CDH12: variants seen among roughly 807,000 people sequenced by gnomAD.
CDH12 encodes the protein cadherin-12.
A neutral mutation model predicts 74.1 loss-of-function variants in CDH12; 41 were observed. The ratio of observed to expected loss-of-function variants is 0.55; its 90% CI spans 0.43 to 0.72. The LOEUF is 0.72. Ranked by LOEUF, CDH12 falls within the 30% of genes least tolerant of loss-of-function variation. The pLI, the probability that CDH12 is intolerant of heterozygous loss-of-function variation, is 0.00. For missense variants in CDH12, 945 were observed against 977.2 expected (o/e 0.97, Z 0.44); for synonymous variants, 399 against 355.0 (o/e 1.12, Z -1.39).
chr5:21,963,174 T>C (rs1756440280), intron 6 of CDH12, among the ~76,000 whole-genome samples: 1 of 151,976 alleles, frequency 6.6e-6, no homozygotes, highest in South Asian at 2.1e-4. Context: ...ATTCAGGGGG[T>C]ATATGTGCAG....
At chr5:22,646,332 AT>A (rs1483058631) in intron 1 of CDH12, among the ~76,000 whole-genome samples, 6 of 151,810 alleles carry the variant, frequency 4.0e-5, no homozygotes, top group Admixed American at 2.6e-4. Context: ...TCATGCTGTC[AT>A]TTCTTATAAG....
intron 1 of CDH12, among the ~76,000 whole-genome samples, chr5:22,772,809 T>C (rs544330082): frequency 1.1e-3 from 161 of 152,214 alleles, no homozygotes; most frequent in African/African-American, 3.8e-3. Flanking sequence ...CCTTTGGTAC[T>C]AAGAAGGCTG....
intron 2 of CDH12, among the ~76,000 whole-genome samples, chr5:22,442,269 T>C (rs1425404506): frequency 6.6e-6 from 1 of 152,176 alleles, no homozygotes; most frequent in Non-Finnish European, 1.5e-5. Flanking sequence ...AGAGATCTTT[T>C]CTCCTAAGAA....
chr5:22,471,851 G>C (rs555250108), intron 2 of CDH12, among the ~76,000 whole-genome samples: 1 of 152,194 alleles, frequency 6.6e-6, no homozygotes, highest in South Asian at 2.1e-4. Flanking sequence ...AGATTGTGTT[G>C]CTGGATCTGT....
intron 1 of CDH12, among the ~76,000 whole-genome samples, chr5:22,615,658 A>T (rs1018812990): frequency 6.6e-6 from 1 of 152,164 alleles, no homozygotes. Context: ...CAGAGAGGAA[A>T]CAAAACACAA....
intron 1 of CDH12, among the ~76,000 whole-genome samples, chr5:22,828,879 A>G (rs1736455859): frequency 6.6e-6 from 1 of 152,174 alleles, no homozygotes; most frequent in South Asian, 2.1e-4. Flanking sequence ...ATTTTCATTC[A>G]TATCTCCATT....
chr5:21,947,327 A>G (rs1437188106), intron 6 of CDH12, among the ~76,000 whole-genome samples: 1 of 152,172 alleles, frequency 6.6e-6, no homozygotes, highest in East Asian at 1.9e-4. Flanking sequence ...AGGGCTCAGA[A>G]GAAGACAGGA....
intron 1 of CDH12, among the ~76,000 whole-genome samples, chr5:22,569,504 C>A (rs1186688782): frequency 2.0e-5 from 3 of 152,198 alleles, no homozygotes; most frequent in Non-Finnish European, 4.4e-5. Context: ...GTTACCCAGT[C>A]TCAGGTATTT....
intron 3 of CDH12, among the ~76,000 whole-genome samples, chr5:22,299,319 G>C (rs752768728): frequency 1.6e-4 from 24 of 152,198 alleles, no homozygotes; most frequent in East Asian, 9.6e-4. Context: ...GCCCTGGAAA[G>C]ACCTTTCCTT....
At chr5:22,418,409 TC>T (rs1743492130) in intron 2 of CDH12, among the ~76,000 whole-genome samples, 1 of 152,180 alleles carries the variant, frequency 6.6e-6, no homozygotes, top group Non-Finnish European at 1.5e-5. Flanking sequence ...CAATTTGACT[TC>T]CTCTCTTCCT....
At chr5:22,074,070 A>G (rs1017764127) in intron 5 of CDH12, among the ~76,000 whole-genome samples, 3 of 152,156 alleles carry the variant, frequency 2.0e-5, no homozygotes, top group Admixed American at 2.0e-4. Context: ...GACAGCAAGA[A>G]CATCCTTCTT....
intron 1 of CDH12, among the ~76,000 whole-genome samples, chr5:22,632,219 A>G (rs11744660): frequency 0.065 from 9,962 of 152,186 alleles, 428 homozygotes; most frequent in East Asian, 0.23. Context: ...AAAAAAGCAG[A>G]ATGCCAGAAG....
intron 4 of CDH12, among the ~76,000 whole-genome samples, chr5:22,157,911 TG>T (rs1351228359): frequency 7.2e-5 from 11 of 152,198 alleles, no homozygotes; most frequent in South Asian, 6.2e-4. Flanking sequence ...TATTCCAATA[TG>T]TTTTTTTTTC....
chr5:22,404,132 CATT>C (rs1156537479), intron 3 of CDH12, among the ~76,000 whole-genome samples: 1 of 151,860 alleles, frequency 6.6e-6, no homozygotes, highest in African/African-American at 2.4e-5. Flanking sequence ...TGCTAGCAAA[CATT>C]AGGAAGCTCT....
intron 1 of CDH12, among the ~76,000 whole-genome samples, chr5:22,651,707 T>C (rs1271721570): frequency 6.6e-6 from 1 of 151,634 alleles, no homozygotes; most frequent in Non-Finnish European, 1.5e-5. Context: ...GGTGGTTTTT[T>C]TTTTTTCAGA....
chr5:21,961,380 T>A (rs1580024567), intron 6 of CDH12, among the ~76,000 whole-genome samples: 1 of 152,172 alleles, frequency 6.6e-6, no homozygotes, highest in East Asian at 1.9e-4. Flanking sequence ...ATTTTATGAC[T>A]CTGTCTCAAA....
intron 6 of CDH12, chr5:21,889,897 C>A (rs959871052): frequency 9.3e-6 from 9 of 970,964 alleles, no homozygotes; most frequent in Non-Finnish European, 1.2e-6. Context: ...TAAGTTACCC[C>A]ACACTGGCAA....
chr5:22,237,754 T>C (rs75146537), intron 3 of CDH12, among the ~76,000 whole-genome samples: 391 of 152,312 alleles, frequency 2.6e-3, no homozygotes, highest in African/African-American at 9.0e-3. Flanking sequence ...ATATAAATTT[T>C]AGACAGAAAT....
rs576293900 is a variant in CDH12 at position 22,306,327 on chromosome 5, G to T, written c.-332-93684C>A. On this transcript the variant is annotated intron_variant, in intron 3 of 14. Transcript: ENST00000382254. The stretch of plus-strand genomic sequence containing the variant: ...CACAGAGAATATGCTTTGCCTTGTG[G>T]TATAAGGAAAAAAAATAATGAGAGA... 2.0e-5 allele frequency among the ~76,000 whole-genome samples: 3 copies of T among 151,758 alleles called. No individual in the cohort carries two copies. In the South Asian group the frequency reaches 6.2e-4, roughly 32 times the overall value.
Sources: allele counts gnomAD v4.1 joint callset (sites outside exome capture counted in the v4.1 genomes callset), GRCh38; gene constraint gnomAD v4.1.1; transcripts MANE v1.5; gene names NCBI Gene and HGNC (gene_info 2026-07-23, HGNC 2026-07-21).